The following RUBCNL variants were observed in gnomAD, a reference collection of about 807,000 sequenced individuals.
RUBCNL encodes rubicon like autophagy enhancer.
A neutral mutation model predicts 69.5 loss-of-function variants in RUBCNL; 62 were observed. The ratio of observed to expected loss-of-function variants is 0.89; its 90% CI spans 0.73 to 1.10. The LOEUF is 1.10. RUBCNL is among the 50% of genes least tolerant of loss of function. The pLI is 0.00. For missense variants in RUBCNL, 768 were observed against 798.1 expected, an observed-to-expected ratio of 0.96 and a Z score of 0.45; for synonymous variants, 291 against 303.6, an observed-to-expected ratio of 0.96 and a Z score of 0.43.
chr13:46,368,910 G>T, intron 3 of RUBCNL, 95 bp from the exon 4 acceptor site: 1 of 863,018 alleles, frequency 1.2e-6, no homozygotes, highest in Non-Finnish European at 1.9e-6. Context: ...TTTAAATAAT[G>T]TAAAAAAATA....
In RUBCNL at chr13:46,385,197, A is replaced by G. The variant is rs531004159; in HGVS notation, c.-239+1937T>C. On this transcript the variant is annotated intron_variant, in intron 1 of 14. Coordinates refer to ENST00000429979, the MANE Select transcript of RUBCNL (RefSeq NM_025113.5). ...TATGAAGGTTAGCTTTATTATCACC[A>G]TCATTATTATTGCAGAAAGACTTTC... is the stretch of plus-strand genomic sequence containing the variant. The G allele has an allele frequency of 9.9e-6, 7 of 708,120 alleles. 1 individual carries two copies. In the South Asian group the frequency reaches 3.8e-4, roughly 39 times the overall value. 43.9% of individuals were successfully genotyped at this position (708,120 alleles called of 1,614,324 possible). A position where few individuals can be genotyped will look rare whatever the true frequency, so the allele number is the denominator to read the frequency against.
intron 12 of RUBCNL, among the ~76,000 whole-genome samples, chr13:46,346,729 G>A (rs2138676070): frequency 6.6e-6 from 1 of 151,936 alleles, no homozygotes; most frequent in South Asian, 2.1e-4. Context: ...TAATTAAAAA[G>A]CAATACATCA....
In RUBCNL at chr13:46,343,513, A is replaced by G; in HGVS notation, c.1877-16T>C. 6.2e-7 allele frequency: 1 copy of G among 1,610,630 alleles called. No individual in the cohort carries two copies. Among genetic ancestry groups the G allele is most frequent in the Non-Finnish European group, 8.5e-7 (1 of 1,177,594 alleles). On this transcript the variant is annotated splice_polypyrimidine_tract_variant and intron_variant, in intron 14 of 14. Coordinates refer to ENST00000429979, the MANE Select transcript of RUBCNL (RefSeq NM_025113.5). ...GCCCTGCACGCTGCAAGCAAGGAAG[A>G]GAGCCGTTAGCAAACGGTCTATCTT...
rs2048806102 is a variant in RUBCNL at position 46,368,381 on chromosome 13, A to G, written c.619-132T>C. On this transcript the variant is annotated intron_variant, in intron 4 of 14. Coordinates refer to ENST00000429979, the MANE Select transcript of RUBCNL (RefSeq NM_025113.5). Reference sequence around the variant, plus strand: ...ATCAGTATAAATATTCATTTAACTGAGTTATCATAGGTCACTCTATGACTT... The same window carrying G: ...ATCAGTATAAATATTCATTTAACTGGGTTATCATAGGTCACTCTATGACTT... 15 of 1,421,480 alleles carry G rather than the reference A, an allele frequency of 1.1e-5. 1 individual carries two copies. In the South Asian group the frequency reaches 2.2e-4, roughly 21 times the overall value. 88.1% of individuals were successfully genotyped at this position (1,421,480 alleles called of 1,614,324 possible).
chr13:46,348,225 T>C (rs1028850977), intron 12 of RUBCNL, among the ~76,000 whole-genome samples: 17 of 152,144 alleles, frequency 1.1e-4, no homozygotes, highest in Admixed American at 3.9e-4. Flanking sequence ...GAGTTTTAGT[T>C]TTGCAAGATG....
chr13:46,364,162 G>A (rs187186411), intron 5 of RUBCNL, among the ~76,000 whole-genome samples: 2 of 152,192 alleles, frequency 1.3e-5, no homozygotes, highest in African/African-American at 4.8e-5. Flanking sequence ...TTGGGAGGCT[G>A]AGGCAGGCGG....
chr13:46,345,732 C>G, intron 12 of RUBCNL, 132 bp from the exon 13 acceptor site: 1 of 879,652 alleles, frequency 1.1e-6, no homozygotes, highest in South Asian at 1.9e-5. Flanking sequence ...TAAATAGCTC[C>G]AAGAACAACA....
chr13:46,348,270 G>A (rs779555796), intron 12 of RUBCNL, among the ~76,000 whole-genome samples: 18 of 152,122 alleles, frequency 1.2e-4, no homozygotes, highest in Non-Finnish European at 2.6e-4. Context: ...GGTGATGATT[G>A]CATAACGATG....
intron 5 of RUBCNL, among the ~76,000 whole-genome samples, chr13:46,366,954 G>A (rs2048770330): frequency 6.6e-6 from 1 of 152,152 alleles, no homozygotes; most frequent in Non-Finnish European, 1.5e-5. Flanking sequence ...GAGATGTCCA[G>A]GACTGAAAAC....
intron 1 of RUBCNL, among the ~76,000 whole-genome samples, chr13:46,378,948 A>G (rs142438200): frequency 2.6e-5 from 4 of 152,266 alleles, no homozygotes; most frequent in African/African-American, 9.6e-5. Flanking sequence ...TGGTCACCCT[A>G]TAAAAACTGG....
chr13:46,364,835 T>C (rs994806029), intron 5 of RUBCNL, among the ~76,000 whole-genome samples: 4 of 152,106 alleles, frequency 2.6e-5, no homozygotes, highest in African/African-American at 7.2e-5. Flanking sequence ...ATTTGGAGGA[T>C]AGAAATATTC....
chr13:46,365,432 T>C (rs1358275646), intron 5 of RUBCNL, among the ~76,000 whole-genome samples: 1 of 151,742 alleles, frequency 6.6e-6, no homozygotes, highest in Non-Finnish European at 1.5e-5. Flanking sequence ...GGTTCTGCAC[T>C]ACACAACTCC....
intron 1 of RUBCNL, among the ~76,000 whole-genome samples, chr13:46,383,932 C>G (rs1201003857): frequency 6.6e-6 from 1 of 152,208 alleles, no homozygotes; most frequent in East Asian, 1.9e-4. Context: ...CCTAATTCTA[C>G]AAGCACAGCG....
chr13:46,379,053 C>T (rs749122631), intron 1 of RUBCNL, among the ~76,000 whole-genome samples: 4 of 152,160 alleles, frequency 2.6e-5, no homozygotes, highest in Non-Finnish European at 5.9e-5. Context: ...TGACTAGTAC[C>T]CCCCAGAATG....
rs1360664449 is a variant in RUBCNL, at chr13:46,334,846, C to G, written c.*8539G>C. On this transcript the variant is annotated 3_prime_UTR_variant, in exon 15 of 15. Coordinates refer to ENST00000429979, the MANE Select transcript of RUBCNL (RefSeq NM_025113.5). ...GTCTTAAGAAATTTGAGCAACTTAT[C>G]ACAAATCACAGGACTAGAAGTGAAA... Among the ~76,000 whole-genome samples the G allele has an allele frequency of 6.6e-6, 1 of 152,122 alleles. No homozygotes were observed. Among genetic ancestry groups the G allele is most frequent in the East Asian group, 1.9e-4 (1 of 5,192 alleles).
Position 46,368,718 on chromosome 13 carries a change from G to C in RUBCNL, c.618+15C>G, listed in dbSNP as rs143466701. The C allele has an allele frequency of 1.2e-6, 2 of 1,600,466 alleles. No individual in the cohort carries two copies. Among genetic ancestry groups the C allele is most frequent in the Admixed American group, 1.7e-5 (1 of 58,744 alleles). ...TTAAGACTCTATGGTTAAAAAGAAAGAAGATAGCATTCACCTTTTCTACAT... is the reference window on the plus strand; with the variant it reads ...TTAAGACTCTATGGTTAAAAAGAAACAAGATAGCATTCACCTTTTCTACAT... On this transcript the variant is annotated intron_variant, in intron 4 of 14. Coordinates refer to ENST00000429979, the MANE Select transcript of RUBCNL (RefSeq NM_025113.5).
intron 12 of RUBCNL, 134 bp from the exon 13 acceptor site, chr13:46,345,734 A>G: frequency 3.4e-6 from 3 of 871,984 alleles, no homozygotes; most frequent in South Asian, 3.9e-5. Flanking sequence ...AATAGCTCCA[A>G]GAACAACAGT....
At chr13:46,361,874 G>A (rs1221386284) in intron 7 of RUBCNL, among the ~76,000 whole-genome samples, 2 of 152,034 alleles carry the variant, frequency 1.3e-5, no homozygotes, top group Admixed American at 6.6e-5. Context: ...TTCGTGTCCC[G>A]AAGCACATCC....
Position 46,340,296 on chromosome 13 carries a change from T to C in RUBCNL, c.*3089A>G, listed in dbSNP as rs2048132676. Among the ~76,000 whole-genome samples the C allele has an allele frequency of 6.6e-6, 1 of 152,202 alleles. No homozygotes were observed. Among genetic ancestry groups the C allele is most frequent in the African/African-American group, 2.4e-5 (1 of 41,460 alleles). On this transcript the variant is annotated 3_prime_UTR_variant, in exon 15 of 15. Transcript: ENST00000429979. ...ACAATTCAACCCACAACAGTAGCTATTGTTCTAATCCTTGTATTACAGATT... is the reference window on the plus strand; with the variant it reads ...ACAATTCAACCCACAACAGTAGCTACTGTTCTAATCCTTGTATTACAGATT...
Sources: allele counts gnomAD v4.1 joint callset (sites outside exome capture counted in the v4.1 genomes callset), GRCh38; gene constraint gnomAD v4.1.1; transcripts MANE v1.5; gene names NCBI Gene and HGNC (gene_info 2026-07-23, HGNC 2026-07-21).